The following PLXNC1 variants were observed in gnomAD, a reference collection of about 807,000 sequenced individuals.
The protein encoded by PLXNC1 is plexin C1.
A neutral mutation model predicts 178.2 loss-of-function variants in PLXNC1; 75 were observed. That is an observed-to-expected ratio of 0.42 (90% CI 0.35 to 0.51). The LOEUF (loss-of-function observed/expected upper bound fraction) is 0.51. Ranked by LOEUF, PLXNC1 falls within the 20% of genes least tolerant of loss-of-function variation. PLXNC1 has a pLI of 0.02. For missense variants in PLXNC1, 1,503 were observed against 1,984.4 expected (o/e 0.76, Z 4.61); for synonymous variants, 790 against 779.9 (o/e 1.01, Z -0.22).
At chr12:94,297,839 T>C (rs1348878323) in intron 26 of PLXNC1, among the ~76,000 whole-genome samples, 1 of 152,244 alleles carries the variant, frequency 6.6e-6, no homozygotes, top group Non-Finnish European at 1.5e-5. Flanking sequence ...TCTTAATTTT[T>C]GTTTTTCATT....
chr12:94,155,119 C>T (rs1447920808), intron 1 of PLXNC1, among the ~76,000 whole-genome samples: 2 of 152,212 alleles, frequency 1.3e-5, no homozygotes, highest in Non-Finnish European at 2.9e-5. Context: ...TACTTCCATT[C>T]ATTGGAATAC....
chr12:94,281,430 T>G (rs547859170), intron 22 of PLXNC1, among the ~76,000 whole-genome samples: 1 of 152,120 alleles, frequency 6.6e-6, no homozygotes, highest in Non-Finnish European at 1.5e-5. Context: ...CAGAAAGCAG[T>G]GGAGCTTGAC....
At position 94,250,080 on chromosome 12, in the gene PLXNC1, G is replaced by GGCAGAGGGA. The variant is rs369134393; in HGVS notation, c.2779-1329_2779-1321dup. 2.0e-4 allele frequency among the ~76,000 whole-genome samples: 31 copies of GGCAGAGGGA among 152,290 alleles called. 2 individuals are homozygous for GGCAGAGGGA. Among genetic ancestry groups the GGCAGAGGGA allele is most frequent in the African/African-American group, 6.7e-4 (28 of 41,564 alleles). ...GGGCTATCTGGGGTAGAACGTTCTA[G>GGCAGAGGGA]GCAGAGGGAGCAGAGGGAGCAGAGG... On this transcript the variant is annotated intron_variant, in intron 14 of 30. Transcript: ENST00000258526.
chr12:94,186,236 A>G lies in PLXNC1; in HGVS notation c.1339-137A>G, dbSNP rs1962503357. The G allele has an allele frequency of 4.8e-6, 3 of 625,914 alleles. No individual in the cohort carries two copies. The South Asian group carries it at 5.3e-5, about 11-fold the overall frequency. The allele number at this position is 625,914 out of a possible 1,614,324, so 38.8% of individuals were successfully genotyped here. A position where few individuals can be genotyped will look rare whatever the true frequency, so the allele number is the denominator to read the frequency against. On this transcript the variant is annotated intron_variant, in intron 3 of 30. Coordinates refer to ENST00000258526, the MANE Select transcript of PLXNC1 (RefSeq NM_005761.3). ...CTTCATGTCCTAGATCTTGAGACCCACTGCCCAGTGCCAGTATGGAGGTGT... is the reference window on the plus strand; with the variant it reads ...CTTCATGTCCTAGATCTTGAGACCCGCTGCCCAGTGCCAGTATGGAGGTGT...
Position 94,282,389 on chromosome 12 carries a change from T to G in PLXNC1, c.3867T>G (p.Ile1289Met), listed in dbSNP as rs145185575. ...ATGGAATCACCAAGCTAAACACCATTGGCCACTATGAGGTAAGAGCAAGAC... is the reference window on the plus strand; with the variant it reads ...ATGGAATCACCAAGCTAAACACCATGGGCCACTATGAGGTAAGAGCAAGAC... ...LEDGITKLNT[I>M]GHYEISNGST... The change falls in exon 23 of 31, where the codon ATT becomes ATG. Residue 1289 changes from isoleucine (I) to methionine (M), a missense_variant. This residue lies in a region of PLXNC1 where 639 missense variants were observed against 979.7 expected (regional missense o/e 0.65). Transcript: ENST00000258526. 1 of 1,609,042 alleles carries G rather than the reference T, an allele frequency of 6.2e-7. No homozygotes were observed. Among genetic ancestry groups the G allele is most frequent in the African/African-American group, 1.3e-5 (1 of 74,822 alleles).
intron 5 of PLXNC1, among the ~76,000 whole-genome samples, chr12:94,216,036 G>A (rs978920262): frequency 5.3e-5 from 8 of 152,072 alleles, no homozygotes; most frequent in East Asian, 1.9e-4. Flanking sequence ...GGACTGAGGC[G>A]GGCAGATCAC....
chr12:94,235,728 G>A (rs1040455683), intron 9 of PLXNC1, among the ~76,000 whole-genome samples: 1 of 152,176 alleles, frequency 6.6e-6, no homozygotes, highest in African/African-American at 2.4e-5. Flanking sequence ...ACACTACCCA[G>A]ACGAATATTT....
chr12:94,186,547 C>A, intron 4 of PLXNC1, 74 bp downstream of exon 4: 1 of 903,128 alleles, frequency 1.1e-6, no homozygotes, highest in Non-Finnish European at 1.8e-6. Context: ...TGTTGCCCTA[C>A]TTTAACGATC....
At chr12:94,216,321 T>G (rs192590666) in intron 5 of PLXNC1, among the ~76,000 whole-genome samples, 1 of 149,000 alleles carries the variant, frequency 6.7e-6, no homozygotes, top group African/African-American at 2.5e-5. Flanking sequence ...TATTTGCCAC[T>G]AACAAAATAT....
chr12:94,193,857 C>T (rs1030178661), intron 4 of PLXNC1, among the ~76,000 whole-genome samples: 6 of 152,082 alleles, frequency 3.9e-5, no homozygotes, highest in Non-Finnish European at 5.9e-5. Flanking sequence ...GCATGGGAAA[C>T]GCGGGGGGTG....
At chr12:94,215,944 A>G (rs1180827574) in intron 5 of PLXNC1, among the ~76,000 whole-genome samples, 2 of 152,158 alleles carry the variant, frequency 1.3e-5, no homozygotes, top group Admixed American at 1.3e-4. Flanking sequence ...AAAAATATTC[A>G]TATACATGAT....
At chr12:94,160,833 G>C (rs545250708) in intron 1 of PLXNC1, among the ~76,000 whole-genome samples, 22 of 152,144 alleles carry the variant, frequency 1.4e-4, no homozygotes, top group Non-Finnish European at 2.6e-4. Context: ...CTATCAAAAT[G>C]TTTTTTCAAT....
intron 3 of PLXNC1, among the ~76,000 whole-genome samples, chr12:94,182,808 T>A (rs1307602512): frequency 6.6e-6 from 1 of 152,212 alleles, no homozygotes; most frequent in Non-Finnish European, 1.5e-5. Flanking sequence ...ATTTATTTTA[T>A]GTGAAGAATC....
intron 21 of PLXNC1, among the ~76,000 whole-genome samples, chr12:94,270,386 A>G (rs1238606260): frequency 6.6e-6 from 1 of 152,212 alleles, no homozygotes; most frequent in Non-Finnish European, 1.5e-5. Flanking sequence ...AGTCTTAAAT[A>G]CTTTCTGGCC....
At chr12:94,203,089 G>C (rs1963191455) in intron 4 of PLXNC1, among the ~76,000 whole-genome samples, 3 of 152,168 alleles carry the variant, frequency 2.0e-5, no homozygotes, top group Admixed American at 2.0e-4. Context: ...GAGGTGGGGG[G>C]TAAGCATGGG....
At chr12:94,191,950 C>G (rs148162574) in intron 4 of PLXNC1, among the ~76,000 whole-genome samples, 1 of 152,192 alleles carries the variant, frequency 6.6e-6, no homozygotes, top group Non-Finnish European at 1.5e-5. Context: ...GAAGCAGTTT[C>G]TCAGTTTCTC....
At chr12:94,284,087 G>GAAAA (rs796439911) in intron 23 of PLXNC1, among the ~76,000 whole-genome samples, 6,094 of 82,330 alleles carry the variant, frequency 0.074, 183 homozygotes, top group Admixed American at 0.12. Flanking sequence ...CATGTCAGGG[G>GAAAA]AAAAAAAAAA....
intron 28 of PLXNC1, 38 bp from the exon 29 acceptor site, chr12:94,303,718 T>C (rs1480424997): frequency 2.4e-6 from 3 of 1,274,050 alleles, no homozygotes; most frequent in Admixed American, 2.8e-5. Flanking sequence ...TTTTTACTCT[T>C]TTGGTGATGG....
chr12:94,213,564 C>G (rs914406369), intron 5 of PLXNC1, among the ~76,000 whole-genome samples: 3 of 152,112 alleles, frequency 2.0e-5, no homozygotes, highest in African/African-American at 7.2e-5. Flanking sequence ...CCTTTGTCAG[C>G]TGGGTAGATT....
Sources: allele counts gnomAD v4.1 joint callset (sites outside exome capture counted in the v4.1 genomes callset), GRCh38; gene constraint gnomAD v4.1.1; regional missense constraint gnomAD v4.1.1; transcripts MANE v1.5; gene names NCBI Gene and HGNC (gene_info 2026-07-23, HGNC 2026-07-21).